Variants in TOP1 observed in about 807,000 individuals in gnomAD.
The protein encoded by TOP1 is DNA topoisomerase I.
In TOP1, 10 loss-of-function variants were observed where a neutral mutation model predicts 111.1. The observed-to-expected ratio is 0.09, with a 90% CI of 0.06 to 0.15. The LOEUF (loss-of-function observed/expected upper bound fraction) is 0.15. Among genes scored for constraint, TOP1 ranks in the 10% least tolerant of loss-of-function variants. The pLI, the probability that TOP1 is intolerant of heterozygous loss-of-function variation, is 1.00. For synonymous variants in TOP1, 271 were observed against 302.9 expected, an observed-to-expected ratio of 0.89 and a Z score of 1.10; for missense variants, 474 against 926.7, an observed-to-expected ratio of 0.51 and a Z score of 6.34.
Position 41,123,729 on chromosome 20 carries a change from C to T in TOP1, c.*432C>T. On this transcript the variant is annotated 3_prime_UTR_variant, in exon 21 of 21. Coordinates refer to ENST00000361337, the MANE Select transcript of TOP1 (RefSeq NM_003286.4). This position sits in a 1 kb window ranked among gnomAD's most constrained non-coding sequence, Gnocchi z 5.8. ...TAATAGAAATAAATTCCTAAACTCCCTTCCCTCTCTCCCATTTCAGGAATT... is the reference window on the plus strand; with the variant it reads ...TAATAGAAATAAATTCCTAAACTCCTTTCCCTCTCTCCCATTTCAGGAATT... The T allele has an allele frequency of 4.3e-6, 1 of 232,518 alleles. No individual in the cohort carries two copies. 14.4% of individuals were successfully genotyped at this position (232,518 alleles called of 1,614,324 possible). A position where few individuals can be genotyped will look rare whatever the true frequency, so the allele number is the denominator to read the frequency against.
At position 41,035,010 on chromosome 20, in the gene TOP1, C is replaced by T. The variant is rs375252785; in HGVS notation, c.58+5555C>T. Among the ~76,000 whole-genome samples, 30 of 152,244 alleles carry T rather than the reference C, an allele frequency of 2.0e-4. No homozygotes were observed. The East Asian group carries it at 2.3e-3, about 12-fold the overall frequency. The stretch of plus-strand genomic sequence containing the variant: ...GCTCAAGCGATCCTCCTACCTCACC[C>T]TCCCAAGTAGCTGGAACTACAGGTG... On this transcript the variant is annotated intron_variant, in intron 2 of 20. Coordinates refer to ENST00000361337, the MANE Select transcript of TOP1 (RefSeq NM_003286.4).
chr20:41,090,939 T>C (rs1016820479), intron 8 of TOP1, among the ~76,000 whole-genome samples: 4 of 152,234 alleles, frequency 2.6e-5, no homozygotes, highest in Non-Finnish European at 4.4e-5. Context: ...TATATTTAGG[T>C]CTTTGATCCA....
At chr20:41,081,028 T>C (rs1386247138) in intron 6 of TOP1, 137 bp from the exon 7 acceptor site, 2 of 656,482 alleles carry the variant, frequency 3.0e-6, no homozygotes, top group African/African-American at 1.9e-5. Context: ...TCTGTTAGTC[T>C]TGACCGTAGA....
chr20:41,121,756 G>C lies in TOP1; in HGVS notation c.2011G>C (p.Asp671His). 6.2e-7 allele frequency: 1 copy of C among 1,614,200 alleles called. No individual in the cohort carries two copies. Among genetic ancestry groups the C allele is most frequent in the Non-Finnish European group, 8.5e-7 (1 of 1,180,012 alleles). Residue 671 changes from aspartate (D) to histidine (H), a missense_variant, in exon 19 of 21, where the codon GAT (aspartate) becomes CAT (histidine). Coordinates refer to ENST00000361337, the MANE Select transcript of TOP1 (RefSeq NM_003286.4). The surrounding 1 kb of genome is among the most constrained non-coding windows in gnomAD (Gnocchi z 4.2). ...ARRDLKSAKA[D>H]AKVMKDAKTK... ...GAGAGACCTGAAAAGTGCTAAGGCT[G>C]ATGCCAAGGTCATGAAGGATGCAAA...
At chr20:41,041,958 G>T (rs1022743837) in intron 2 of TOP1, among the ~76,000 whole-genome samples, 4 of 152,022 alleles carry the variant, frequency 2.6e-5, no homozygotes, top group African/African-American at 9.7e-5. Flanking sequence ...GCCCAGGCTG[G>T]GGTGCAGTGA....
intron 2 of TOP1, among the ~76,000 whole-genome samples, chr20:41,049,200 G>T (rs1382271197): frequency 2.0e-5 from 3 of 152,198 alleles, no homozygotes; most frequent in Non-Finnish European, 4.4e-5. Flanking sequence ...CACAGCTGCT[G>T]ATGTTTAAGA....
intron 2 of TOP1, among the ~76,000 whole-genome samples, chr20:41,049,697 C>A (rs2033379107): frequency 6.6e-6 from 1 of 152,160 alleles, no homozygotes; most frequent in African/African-American, 2.4e-5. Context: ...AGGGCAGGGA[C>A]TCAGTTTTGG....
chr20:41,031,285 G>C (rs2033116414), intron 2 of TOP1, among the ~76,000 whole-genome samples: 1 of 152,230 alleles, frequency 6.6e-6, no homozygotes, highest in African/African-American at 2.4e-5. Flanking sequence ...GAGGATGTAA[G>C]AAGTCCTTTT....
chr20:41,062,572 T>C (rs146078081), intron 3 of TOP1, among the ~76,000 whole-genome samples: 1 of 152,312 alleles, frequency 6.6e-6, no homozygotes, highest in Non-Finnish European at 1.5e-5. Flanking sequence ...AGTTTATAGT[T>C]GTCTAGCTTA....
At position 41,069,050 on chromosome 20, in the gene TOP1, A is replaced by T. The variant is rs1220048494; in HGVS notation, c.156-7121A>T. Among the ~76,000 whole-genome samples, 1 of 152,212 alleles carries T rather than the reference A, an allele frequency of 6.6e-6. No homozygotes were observed. The highest frequency in any genetic ancestry group is 1.5e-5 in the Non-Finnish European group (1 of 68,040). On this transcript the variant is annotated intron_variant, in intron 3 of 20. Transcript: ENST00000361337. This position sits in a 1 kb window ranked among gnomAD's most constrained non-coding sequence, Gnocchi z 4.1. ...TAGCAAGGGAAGTACTTTTCCAGCCATATTGGCAGTGCTATTCTGTACTGT... is the reference window on the plus strand; with the variant it reads ...TAGCAAGGGAAGTACTTTTCCAGCCTTATTGGCAGTGCTATTCTGTACTGT...
chr20:41,076,415 GA>G lies in TOP1; in HGVS notation c.279+122del, dbSNP rs372437692. ...CTTGAAGTGAAAGGTTTCTTGTCAG[GA>G]GAATTTAGAGCAAACTGTAGTCTTA... On this transcript the variant is annotated intron_variant, in intron 4 of 20. Coordinates refer to ENST00000361337, the MANE Select transcript of TOP1 (RefSeq NM_003286.4). The G allele has an allele frequency of 5.2e-6, 7 of 1,352,042 alleles. No individual in the cohort carries two copies. In the South Asian group the frequency reaches 1.1e-4, roughly 21 times the overall value. The allele number at this position is 1,352,042 out of a possible 1,614,324, so 83.8% of individuals were successfully genotyped here. A position where few individuals can be genotyped will look rare whatever the true frequency, so the allele number is the denominator to read the frequency against.
intron 18 of TOP1, among the ~76,000 whole-genome samples, chr20:41,119,670 C>T (rs2034391370): frequency 2.0e-5 from 3 of 152,166 alleles, no homozygotes; most frequent in Admixed American, 6.5e-5. Context: ...TCAAAAGGTA[C>T]ACACAACTTA....
At chr20:41,088,291 G>A (rs1407171202) in intron 8 of TOP1, among the ~76,000 whole-genome samples, 1 of 152,206 alleles carries the variant, frequency 6.6e-6, no homozygotes, top group East Asian at 1.9e-4. Context: ...GAGGTCAGTA[G>A]ATCGAGACCA....
Position 41,080,991 on chromosome 20 carries a change from G to A in TOP1, c.432-174G>A, listed in dbSNP as rs1329275150. 1.3e-5 allele frequency among the ~76,000 whole-genome samples: 2 copies of A among 151,874 alleles called. No homozygotes were observed. The highest frequency in any genetic ancestry group is 2.9e-5 in the Non-Finnish European group (2 of 67,992). On this transcript the variant is annotated intron_variant, in intron 6 of 20. Transcript: ENST00000361337. This position sits in a 1 kb window ranked among gnomAD's most constrained non-coding sequence, Gnocchi z 5.0. ...TATAGGGCTATAACTATTACTCTTT[G>A]GTCTGACCTTCATTATTTTCTCTAT...
Position 41,097,212 on chromosome 20 carries a change from T to C in TOP1, c.731-8T>C. 6.2e-7 allele frequency: 1 copy of C among 1,610,886 alleles called. No homozygotes were observed. Among genetic ancestry groups the C allele is most frequent in the East Asian group, 2.2e-5 (1 of 44,848 alleles). On this transcript the variant is annotated splice_polypyrimidine_tract_variant and splice_region_variant and intron_variant, in intron 9 of 20. Transcript: ENST00000361337. The surrounding 1 kb of genome is among the most constrained non-coding windows in gnomAD (Gnocchi z 4.2). Reference sequence around the variant, plus strand: ...TACCTCACTTTTTGGAACCACTTTTTTCTCTAGGTAAAGTCATGAAGCTGA... The same window carrying C: ...TACCTCACTTTTTGGAACCACTTTTCTCTCTAGGTAAAGTCATGAAGCTGA...
At position 41,029,106 on chromosome 20, in the gene TOP1, G is replaced by A. The variant is rs2122577399; in HGVS notation, c.33+6G>A. Reference sequence around the variant, plus strand: ...ACCTCCACAACGATTCCCAGGTACGGCCCGGCCTGACCCTGGCGGCCCCGG... The same window carrying A: ...ACCTCCACAACGATTCCCAGGTACGACCCGGCCTGACCCTGGCGGCCCCGG... On this transcript the variant is annotated splice_donor_region_variant and intron_variant, in intron 1 of 20. Coordinates refer to ENST00000361337, the MANE Select transcript of TOP1 (RefSeq NM_003286.4). The surrounding 1 kb of genome is among the most constrained non-coding windows in gnomAD (Gnocchi z 6.1). 1 of 1,517,298 alleles carries A rather than the reference G, an allele frequency of 6.6e-7. No individual in the cohort carries two copies. Among genetic ancestry groups the A allele is most frequent in the Non-Finnish European group, 8.8e-7 (1 of 1,135,402 alleles). The allele number at this position is 1,517,298 out of a possible 1,614,324, so 94.0% of individuals were successfully genotyped here. A position where few individuals can be genotyped will look rare whatever the true frequency, so the allele number is the denominator to read the frequency against.
At chr20:41,043,138 G>T (rs1462999373) in intron 2 of TOP1, among the ~76,000 whole-genome samples, 2 of 152,252 alleles carry the variant, frequency 1.3e-5, no homozygotes, top group African/African-American at 4.8e-5. Flanking sequence ...TGGACATGCA[G>T]ATTCTCGGGC....
In TOP1 at chr20:41,078,257, G is replaced by C. The variant is rs2033751765; in HGVS notation, c.335+620G>C. Among the ~76,000 whole-genome samples, 2 of 152,116 alleles carry C rather than the reference G, an allele frequency of 1.3e-5. No individual in the cohort carries two copies. The highest frequency in any genetic ancestry group is 1.5e-5 in the Non-Finnish European group (1 of 67,998). On this transcript the variant is annotated intron_variant, in intron 5 of 20. Transcript: ENST00000361337. The surrounding 1 kb of genome is among the most constrained non-coding windows in gnomAD (Gnocchi z 5.3). The stretch of plus-strand genomic sequence containing the variant: ...ATACTGTTTTTACCTTTATAATTTT[G>C]TTTTCCTCAGCCTCAATTTCCTAAA...
chr20:41,106,186 C>T lies in TOP1; in HGVS notation c.1308+4833C>T, dbSNP rs2034142785. Among the ~76,000 whole-genome samples, 1 of 152,182 alleles carries T rather than the reference C, an allele frequency of 6.6e-6. No homozygotes were observed. The highest frequency in any genetic ancestry group is 6.5e-5 in the Admixed American group (1 of 15,272). On this transcript the variant is annotated intron_variant, in intron 13 of 20. Transcript: ENST00000361337. This position sits in a 1 kb window ranked among gnomAD's most constrained non-coding sequence, Gnocchi z 4.3. ...CTCTCTTGTATATCAGATATATCTA[C>T]ATATATGTCAGACTGTTTCTGGGCT...
Sources: gnomAD v4.1 joint callset for allele counts (sites outside exome capture counted in the v4.1 genomes callset) on GRCh38, gnomAD v4.1.1 for gene constraint, Gnocchi (gnomAD v3.1) non-coding constraint, MANE v1.5 for transcripts, NCBI Gene and HGNC (gene_info 2026-07-23, HGNC 2026-07-21) for gene names.